Variants in DISC1 observed in about 807,000 individuals in gnomAD.
DISC1 encodes the protein disrupted in schizophrenia 1 protein.
Under a neutral mutation model 84.5 loss-of-function variants are expected in DISC1, and 57 were observed. The observed-to-expected ratio is 0.67, with a 90% confidence interval of 0.55 to 0.84. The LOEUF is 0.84. DISC1 is among the 40% of genes least tolerant of loss of function. The pLI, the probability that DISC1 is intolerant of heterozygous loss-of-function variation, is 0.00. For missense variants in DISC1, 1,000 were observed against 1,057.8 expected, an observed-to-expected ratio of 0.95 and a Z score of 0.76; for synonymous variants, 411 against 415.2, an observed-to-expected ratio of 0.99 and a Z score of 0.12.
rs150012418 is a variant in DISC1 at position 231,726,237 on chromosome 1, G to A, written c.1118-23689G>A. ...AGATGGAAATCTAAATATCAGCATCGTTCCTGATAACATAACATTATGGAA... is the reference window on the plus strand; with the variant it reads ...AGATGGAAATCTAAATATCAGCATCATTCCTGATAACATAACATTATGGAA... On this transcript the variant is annotated intron_variant, in intron 3 of 12. Transcript: ENST00000439617. Among the ~76,000 whole-genome samples, 124 of 152,320 alleles carry A rather than the reference G, an allele frequency of 8.1e-4. 1 individual carries two copies. The highest frequency in any genetic ancestry group is 3.4e-3 in the Middle Eastern group (1 of 294).
At chr1:231,975,750 C>A (rs769866321) in intron 10 of DISC1, among the ~76,000 whole-genome samples, 1 of 152,198 alleles carries the variant, frequency 6.6e-6, no homozygotes, top group African/African-American at 2.4e-5. Context: ...CGTGTGTTCT[C>A]ACTCCTAAGT....
At chr1:231,909,572 C>G (rs955406082) in intron 9 of DISC1, among the ~76,000 whole-genome samples, 1 of 152,162 alleles carries the variant, frequency 6.6e-6, no homozygotes, top group African/African-American at 2.4e-5. Flanking sequence ...ATTCTGTTTG[C>G]CAGTATTTTA....
intron 9 of DISC1, among the ~76,000 whole-genome samples, chr1:231,906,085 C>T (rs529716449): frequency 1.0e-4 from 15 of 143,368 alleles, no homozygotes; most frequent in Non-Finnish European, 1.9e-4. Flanking sequence ...TGTAATGGCA[C>T]GATCTCAGCT....
At chr1:231,934,014 G>A (rs183775181) in intron 9 of DISC1, among the ~76,000 whole-genome samples, 19 of 152,272 alleles carry the variant, frequency 1.2e-4, no homozygotes, top group Non-Finnish European at 2.4e-4. Context: ...GGCTGAAGCC[G>A]AGAAGCCAAT....
At chr1:231,968,547 C>T (rs935832424) in intron 10 of DISC1, among the ~76,000 whole-genome samples, 1 of 150,450 alleles carries the variant, frequency 6.6e-6, no homozygotes, top group Non-Finnish European at 1.5e-5. Context: ...AGCCGAGATC[C>T]CGCCACTGCA....
chr1:231,655,943 G>A (rs2061027655), intron 1 of DISC1, among the ~76,000 whole-genome samples: 1 of 151,990 alleles, frequency 6.6e-6, no homozygotes, highest in Non-Finnish European at 1.5e-5. Flanking sequence ...TTTTTAAAGG[G>A]ATTTTTTCCC....
At chr1:231,702,350 T>C (rs1443842846) in intron 3 of DISC1, 1 of 1,048,070 alleles carries the variant, frequency 9.5e-7, no homozygotes, top group Non-Finnish European at 1.1e-6. Flanking sequence ...ATAAAAAATA[T>C]TCGTCTGACA....
intron 3 of DISC1, chr1:231,723,918 A>G: frequency 1.0e-6 from 1 of 985,444 alleles, no homozygotes; most frequent in Non-Finnish European, 1.2e-6. Flanking sequence ...TGGACAATTA[A>G]TTCCCTAGGT....
intron 4 of DISC1, 125 bp downstream of exon 4, chr1:231,750,201 CT>C (rs1199041735): frequency 6.8e-7 from 1 of 1,460,034 alleles, no homozygotes; most frequent in Non-Finnish European, 9.0e-7. Flanking sequence ...GGGAAGGGCC[CT>C]TTGTTGGTTG....
chr1:231,832,183 G>T (rs538467872), intron 9 of DISC1, among the ~76,000 whole-genome samples: 1 of 152,084 alleles, frequency 6.6e-6, no homozygotes, highest in East Asian at 1.9e-4. Flanking sequence ...ATATGCCTCA[G>T]GTGTGAGGAA....
intron 9 of DISC1, among the ~76,000 whole-genome samples, chr1:231,941,453 G>A (rs545794342): frequency 1.1e-4 from 16 of 151,612 alleles, no homozygotes; most frequent in Admixed American, 1.1e-3. Flanking sequence ...CCCACCATGG[G>A]GTGCTCTCCC....
intron 9 of DISC1, among the ~76,000 whole-genome samples, chr1:231,939,244 C>T (rs2091160281): frequency 6.6e-6 from 1 of 152,200 alleles, no homozygotes; most frequent in Admixed American, 6.5e-5. Context: ...CAAATATCCA[C>T]TTATTTAATG....
chr1:231,858,184 GAATT>G (rs527778045), intron 9 of DISC1, among the ~76,000 whole-genome samples: 225 of 152,294 alleles, frequency 1.5e-3, no homozygotes, highest in Non-Finnish European at 2.6e-3. Flanking sequence ...TAGCCTCACT[GAATT>G]TCTTGTCTTG....
intron 3 of DISC1, among the ~76,000 whole-genome samples, chr1:231,704,123 GTTC>G (rs2066737632): frequency 6.6e-6 from 1 of 152,204 alleles, no homozygotes. Context: ...AGAGGTAAAT[GTTC>G]TTGTGGAATA....
chr1:231,771,363 G>A (rs549775192), intron 6 of DISC1: 5 of 985,300 alleles, frequency 5.1e-6, no homozygotes, highest in East Asian at 1.1e-4. Flanking sequence ...CTCTCCCTTT[G>A]AGAACTGTTG....
intron 5 of DISC1, among the ~76,000 whole-genome samples, chr1:231,769,790 TA>T (rs1180100260): frequency 6.6e-6 from 1 of 152,130 alleles, no homozygotes; most frequent in Admixed American, 6.5e-5. Context: ...TTTTACCAGT[TA>T]AAAAACTAAA....
At chr1:231,849,325 G>T (rs2083700559) in intron 9 of DISC1, among the ~76,000 whole-genome samples, 1 of 152,086 alleles carries the variant, frequency 6.6e-6, no homozygotes, top group Admixed American at 6.5e-5. Flanking sequence ...TCTCCCTGTT[G>T]GTCAGGCTGG....
intron 11 of DISC1, among the ~76,000 whole-genome samples, chr1:232,020,359 T>A (rs969534726): frequency 1.4e-4 from 22 of 151,824 alleles, no homozygotes; most frequent in African/African-American, 5.1e-4. Flanking sequence ...AATAAATAAA[T>A]AAAAAATAAA....
chr1:231,647,798 G>A (rs987272122), intron 1 of DISC1, among the ~76,000 whole-genome samples: 8 of 152,194 alleles, frequency 5.3e-5, no homozygotes, highest in Middle Eastern at 3.4e-3. Context: ...TGGATTCCTC[G>A]GTGTTTTATT....
Sources: gnomAD v4.1 joint callset for allele counts (sites outside exome capture counted in the v4.1 genomes callset) on GRCh38, gnomAD v4.1.1 for gene constraint, MANE v1.5 for transcripts, NCBI Gene and HGNC (gene_info 2026-07-23, HGNC 2026-07-21) for gene names.